Variants in OPCML observed in about 807,000 individuals in gnomAD.
OPCML encodes opioid-binding protein/cell adhesion molecule.
In OPCML, 13 loss-of-function variants were observed where a neutral mutation model predicts 37.8. That is an observed-to-expected ratio of 0.34 (90% confidence interval 0.22 to 0.55). OPCML has a LOEUF of 0.55. Ranked by LOEUF, OPCML falls within the 20% of genes least tolerant of loss-of-function variation. OPCML has a pLI of 0.91. For synonymous variants in OPCML, 176 were observed against 168.8 expected, an observed-to-expected ratio of 1.04 and a Z score of -0.33; for missense variants, 341 against 435.6, an observed-to-expected ratio of 0.78 and a Z score of 1.93.
At chr11:132,700,356 A>G (rs999202667) in intron 2 of OPCML, among the ~76,000 whole-genome samples, 4 of 151,766 alleles carry the variant, frequency 2.6e-5, no homozygotes, top group African/African-American at 9.7e-5. Flanking sequence ...CTTTTTTTCT[A>G]GTACCTATAG....
intron 1 of OPCML, among the ~76,000 whole-genome samples, chr11:133,152,916 T>C (rs35971569): frequency 2.6e-5 from 4 of 151,840 alleles, no homozygotes; most frequent in Non-Finnish European, 4.4e-5. Context: ...TTAATCTTTT[T>C]CCCCTTCATA....
chr11:132,429,825 A>T (rs1592161159), intron 7 of OPCML, among the ~76,000 whole-genome samples: 1 of 152,338 alleles, frequency 6.6e-6, no homozygotes, highest in Middle Eastern at 3.4e-3. Flanking sequence ...AGGCTAATGC[A>T]GGCCAACAAA....
chr11:132,900,303 T>C (rs1944007218), intron 2 of OPCML, among the ~76,000 whole-genome samples: 1 of 152,122 alleles, frequency 6.6e-6, no homozygotes, highest in South Asian at 2.1e-4. Flanking sequence ...TTGATATCAC[T>C]CTTTTCTTCC....
At chr11:133,341,457 G>GC (rs1228172735) in intron 1 of OPCML, among the ~76,000 whole-genome samples, 2 of 152,166 alleles carry the variant, frequency 1.3e-5, no homozygotes, top group African/African-American at 4.8e-5. Flanking sequence ...ACTTTCAGGT[G>GC]CCCTTGGGTG....
rs1939093571 is a variant in OPCML at position 133,206,995 on chromosome 11, C to A, written c.62-263985G>T. 6.6e-6 allele frequency among the ~76,000 whole-genome samples: 1 copy of A among 151,994 alleles called. No homozygotes were observed. Among genetic ancestry groups the A allele is most frequent in the Admixed American group, 6.6e-5 (1 of 15,256 alleles). Reference sequence around the variant, plus strand: ...CTCTCAGAGGAACGCCATAGAAAATCTCCTTCTAAGAGCCGGGCGCGGTGG... The same window carrying A: ...CTCTCAGAGGAACGCCATAGAAAATATCCTTCTAAGAGCCGGGCGCGGTGG... On this transcript the variant is annotated intron_variant, in intron 1 of 7. Coordinates refer to ENST00000524381, the MANE Select transcript of OPCML (RefSeq NM_001012393.5). The surrounding 1 kb of genome is among the most constrained non-coding windows in gnomAD (Gnocchi z 4.7).
chr11:133,522,444 G>A (rs180959459), intron 1 of OPCML, among the ~76,000 whole-genome samples: 6 of 152,154 alleles, frequency 3.9e-5, no homozygotes, highest in African/African-American at 9.7e-5. Flanking sequence ...AAGGTCATTC[G>A]AAGTATGCAA....
intron 1 of OPCML, among the ~76,000 whole-genome samples, chr11:133,455,218 T>C (rs66496512): frequency 0.13 from 20,209 of 152,246 alleles, 3,198 homozygotes; most frequent in African/African-American, 0.38. Context: ...AAACACCATG[T>C]CTCAAATTGC....
intron 1 of OPCML, among the ~76,000 whole-genome samples, chr11:133,438,078 T>G (rs1946282123): frequency 1.3e-5 from 2 of 152,160 alleles, no homozygotes; most frequent in Non-Finnish European, 2.9e-5. Context: ...ATAGTCAAGT[T>G]TAAATAACTG....
intron 4 of OPCML, among the ~76,000 whole-genome samples, chr11:132,469,561 C>A (rs1183203707): frequency 1.0e-5 from 1 of 96,038 alleles, no homozygotes; most frequent in Non-Finnish European, 2.0e-5. Flanking sequence ...GTGTGTGTAT[C>A]TGTGTGTGTG....
intron 1 of OPCML, among the ~76,000 whole-genome samples, chr11:133,061,907 G>A (rs1948349247): frequency 6.7e-6 from 1 of 150,196 alleles, no homozygotes; most frequent in African/African-American, 2.5e-5. Context: ...TGAGGTGGGG[G>A]TGGGGGCTGA....
At chr11:133,020,712 G>A (rs1180428029) in intron 1 of OPCML, among the ~76,000 whole-genome samples, 2 of 152,172 alleles carry the variant, frequency 1.3e-5, no homozygotes, top group East Asian at 1.9e-4. Flanking sequence ...CTGCACACAC[G>A]AGAGAGTAAT....
chr11:132,593,531 G>A (rs1185922574), intron 3 of OPCML, among the ~76,000 whole-genome samples: 1 of 152,308 alleles, frequency 6.6e-6, no homozygotes, highest in East Asian at 1.9e-4. Context: ...TGCTTTCAAT[G>A]TTGAAAATGG....
chr11:132,488,057 C>T (rs909738173), intron 4 of OPCML, among the ~76,000 whole-genome samples: 9 of 152,206 alleles, frequency 5.9e-5, no homozygotes, highest in African/African-American at 2.2e-4. Flanking sequence ...TGCCTCTTTG[C>T]ATTTGATGCC....
At chr11:133,517,114 C>T (rs79027982) in intron 1 of OPCML, among the ~76,000 whole-genome samples, 1,555 of 152,284 alleles carry the variant, frequency 0.01, 28 homozygotes, top group African/African-American at 0.035. Flanking sequence ...TCACGTGGCA[C>T]GACTCTCTGC....
At chr11:133,075,074 C>T (rs1284307348) in intron 1 of OPCML, among the ~76,000 whole-genome samples, 1 of 151,964 alleles carries the variant, frequency 6.6e-6, no homozygotes, top group African/African-American at 2.4e-5. Context: ...TCTCACGCGT[C>T]CCCACCCTGC....
At chr11:132,688,038 G>A (rs550553413) in intron 2 of OPCML, among the ~76,000 whole-genome samples, 2 of 152,138 alleles carry the variant, frequency 1.3e-5, no homozygotes, top group South Asian at 4.1e-4. Flanking sequence ...GCTTCTATCC[G>A]GGAAATGACG....
At chr11:133,178,332 C>A (rs1475677086) in intron 1 of OPCML, among the ~76,000 whole-genome samples, 2 of 152,094 alleles carry the variant, frequency 1.3e-5, no homozygotes, top group African/African-American at 2.4e-5. Context: ...GCAGAGCTTG[C>A]CAGCCACAGG....
In OPCML at chr11:133,054,861, A is replaced by G. The variant is rs189370071; in HGVS notation, c.62-111851T>C. Among the ~76,000 whole-genome samples, 804 of 152,110 alleles carry G rather than the reference A, an allele frequency of 5.3e-3. 2 individuals carry two copies. Among genetic ancestry groups the G allele is most frequent in the Middle Eastern group, 0.01 (3 of 290 alleles). On this transcript the variant is annotated intron_variant, in intron 1 of 7. Coordinates refer to ENST00000524381, the MANE Select transcript of OPCML (RefSeq NM_001012393.5). ...CCCATGAAGGAGCCACCTCTACTGT[A>G]CAATGCTGCCTCCATGATACTTCCA...
intron 1 of OPCML, among the ~76,000 whole-genome samples, chr11:133,356,713 A>C (rs1944299668): frequency 1.3e-5 from 2 of 152,204 alleles, no homozygotes; most frequent in Non-Finnish European, 2.9e-5. Flanking sequence ...GCTGGCATGG[A>C]ACCTGTCCAG....
Sources: allele counts gnomAD v4.1 joint callset (sites outside exome capture counted in the v4.1 genomes callset), GRCh38; gene constraint gnomAD v4.1.1; non-coding constraint Gnocchi (gnomAD v3.1); transcripts MANE v1.5; gene names NCBI Gene and HGNC (gene_info 2026-07-23, HGNC 2026-07-21).